TASP1: variants seen among roughly 807,000 people sequenced by gnomAD.
TASP1 encodes taspase 1, also known as threonine aspartase 1.
A neutral mutation model predicts 56.6 loss-of-function variants in TASP1; 16 were observed. That is an observed-to-expected ratio of 0.28 (90% confidence interval 0.19 to 0.43). The LOEUF is 0.43. TASP1 is among the 20% of genes least tolerant of loss of function. TASP1 has a pLI of 1.00. For synonymous variants in TASP1, 179 were observed against 184.2 expected (o/e 0.97, Z 0.23); for missense variants, 393 against 511.6 (o/e 0.77, Z 2.24).
At chr20:13,292,354 G>GAGC in the TASP1 span, 1 of 1,515,682 alleles carries the variant, frequency 6.6e-7, no homozygotes, top group Non-Finnish European at 9.0e-7. Context: ...ATGGAAAAAT[G>GAGC]AGCTCTTGTC....
the TASP1 span, among the ~76,000 whole-genome samples, chr20:13,371,699 T>G: frequency 2.6e-5 from 4 of 152,170 alleles, no homozygotes; most frequent in African/African-American, 9.7e-5. Flanking sequence ...TTGTATTTCC[T>G]TGTTGATCTT....
chr20:13,337,063 A>C, the TASP1 span, among the ~76,000 whole-genome samples: 2 of 152,228 alleles, frequency 1.3e-5, no homozygotes, highest in Non-Finnish European at 2.9e-5. Context: ...GTATGAATAG[A>C]GGCACCAGAA....
At chr20:13,285,683 G>A in the TASP1 span, among the ~76,000 whole-genome samples, 1 of 152,240 alleles carries the variant, frequency 6.6e-6, no homozygotes, top group African/African-American at 2.4e-5. Flanking sequence ...CGAGAGGGGA[G>A]TAGCCAAGGG....
At chr20:13,210,764 T>C in the TASP1 span, among the ~76,000 whole-genome samples, 1 of 152,136 alleles carries the variant, frequency 6.6e-6, no homozygotes, top group Non-Finnish European at 1.5e-5. Context: ...AAAAATATTG[T>C]TTATAATAAT....
chr20:13,364,286 T>C, the TASP1 span, among the ~76,000 whole-genome samples: 1 of 152,264 alleles, frequency 6.6e-6, no homozygotes, highest in African/African-American at 2.4e-5. Flanking sequence ...CATTATAAAA[T>C]GTTTGATGAT....
At chr20:13,117,511 A>C in the TASP1 span, 1 of 1,586,838 alleles carries the variant, frequency 6.3e-7, no homozygotes, top group Non-Finnish European at 8.6e-7. Context: ...CCTAGCATGG[A>C]AGGTTCCATC....
At chr20:13,209,445 A>C in the TASP1 span, among the ~76,000 whole-genome samples, 1 of 152,206 alleles carries the variant, frequency 6.6e-6, no homozygotes, top group Admixed American at 6.5e-5. Flanking sequence ...TCATAATTGA[A>C]TTGTACTGGG....
chr20:13,354,055 A>C, the TASP1 span, among the ~76,000 whole-genome samples: 1 of 152,232 alleles, frequency 6.6e-6, no homozygotes, highest in African/African-American at 2.4e-5. Context: ...ATAATGAATA[A>C]GGTAATAAGA....
chr20:13,133,473 C>T, the TASP1 span, among the ~76,000 whole-genome samples: 1 of 152,206 alleles, frequency 6.6e-6, no homozygotes, highest in African/African-American at 2.4e-5. Context: ...GTGGCTCACA[C>T]CTGTAATCCC....
chr20:13,221,730 C>G, the TASP1 span: 1 of 1,342,384 alleles, frequency 7.4e-7, no homozygotes, highest in Non-Finnish European at 9.5e-7. Flanking sequence ...TCACCGCCGC[C>G]GCCGCCGGCC....
At chr20:13,424,565 G>A (rs954196226) in intron 12 of TASP1, among the ~76,000 whole-genome samples, 3 of 151,512 alleles carry the variant, frequency 2.0e-5, no homozygotes, top group Non-Finnish European at 4.4e-5. Context: ...GTAAATGAGT[G>A]GCCTGAAGTG....
chr20:13,548,258 T>C (rs2045873562), intron 8 of TASP1, among the ~76,000 whole-genome samples: 1 of 152,074 alleles, frequency 6.6e-6, no homozygotes, highest in South Asian at 2.1e-4. Flanking sequence ...TCAAGAATGC[T>C]GGGCAGAGAA....
intron 11 of TASP1, among the ~76,000 whole-genome samples, chr20:13,449,665 T>C (rs1600831913): frequency 6.6e-6 from 1 of 152,268 alleles, no homozygotes. Flanking sequence ...GATTCTTCAA[T>C]ATTTTTCACT....
At chr20:13,207,567 G>A in the TASP1 span, among the ~76,000 whole-genome samples, 1 of 152,214 alleles carries the variant, frequency 6.6e-6, no homozygotes, top group African/African-American at 2.4e-5. Context: ...GTGCAGTTCT[G>A]AGAACTGGAG....
chr20:13,187,271 T>C, the TASP1 span, among the ~76,000 whole-genome samples: 47 of 151,980 alleles, frequency 3.1e-4, no homozygotes, highest in African/African-American at 9.4e-4. Context: ...AGTAATGGAA[T>C]ACCAGAAGGA....
At chr20:13,395,923 G>A (rs1423644142) in intron 13 of TASP1, among the ~76,000 whole-genome samples, 2 of 150,888 alleles carry the variant, frequency 1.3e-5, no homozygotes, top group Non-Finnish European at 3.0e-5. Context: ...GGATGGTCTC[G>A]ATCTCCTGAC....
At chr20:13,490,987 C>A (rs1254219549) in intron 10 of TASP1, among the ~76,000 whole-genome samples, 1 of 152,186 alleles carries the variant, frequency 6.6e-6, no homozygotes, top group Non-Finnish European at 1.5e-5. Context: ...TTTGCTGCCT[C>A]TCATCCTATT....
chr20:13,379,953 A>C, the TASP1 span, among the ~76,000 whole-genome samples: 368 of 152,134 alleles, frequency 2.4e-3, 1 homozygote, highest in African/African-American at 8.7e-3. Context: ...TAGACTGGTT[A>C]TTCTAGTTAG....
At chr20:13,603,973 A>AT (rs1045385958) in intron 4 of TASP1, among the ~76,000 whole-genome samples, 1 of 152,138 alleles carries the variant, frequency 6.6e-6, no homozygotes. Flanking sequence ...GTGACATCTG[A>AT]TCACTGTGGT....
Sources: gnomAD v4.1 joint callset for allele counts (sites outside exome capture counted in the v4.1 genomes callset) on GRCh38, gnomAD v4.1.1 for gene constraint, MANE v1.5 for transcripts, NCBI Gene and HGNC (gene_info 2026-07-23, HGNC 2026-07-21) for gene names.